FAM174B: variants seen among roughly 807,000 people sequenced by gnomAD.
FAM174B encodes membrane protein FAM174B.
FAM174B carries 12 observed loss-of-function variants against 10.9 expected under a neutral mutation model. The observed-to-expected ratio is 1.10, with a 90% CI of 0.71 to 1.79. FAM174B has a LOEUF of 1.79. FAM174B is among the 40% of genes most tolerant of loss of function. The pLI is 0.00. For missense variants in FAM174B, 266 were observed against 233.3 expected, an observed-to-expected ratio of 1.14 and a Z score of -0.91; for synonymous variants, 132 against 115.8, an observed-to-expected ratio of 1.14 and a Z score of -0.90.
At chr15:92,626,350 G>A (rs2050752891) in intron 2 of FAM174B, among the ~76,000 whole-genome samples, 4 of 151,962 alleles carry the variant, frequency 2.6e-5, no homozygotes, top group Admixed American at 6.6e-5. Context: ...CGCCCGCCTC[G>A]GCCTCCCAAA....
chr15:92,643,684 A>G (rs1596301871), intron 1 of FAM174B, among the ~76,000 whole-genome samples: 1 of 152,274 alleles, frequency 6.6e-6, no homozygotes, highest in East Asian at 1.9e-4. Context: ...GGCTGACTCC[A>G]TGTGGCTTTG....
chr15:92,622,017 G>A (rs906888355), intron 2 of FAM174B, among the ~76,000 whole-genome samples: 11 of 152,204 alleles, frequency 7.2e-5, no homozygotes, highest in Non-Finnish European at 1.2e-4. Context: ...GGACCTGATC[G>A]CCATAGCTGC....
At chr15:92,627,571 G>C (rs2050761328) in intron 2 of FAM174B, among the ~76,000 whole-genome samples, 1 of 152,204 alleles carries the variant, frequency 6.6e-6, no homozygotes, top group African/African-American at 2.4e-5. Flanking sequence ...TTTCTGAGCA[G>C]ATTGATTGTC....
intron 1 of FAM174B, chr15:92,634,438 A>C (rs1596298591): frequency 6.6e-6 from 1 of 152,180 alleles, no homozygotes; most frequent in Non-Finnish European, 1.5e-5. Flanking sequence ...AATCCCTGAC[A>C]CCTATAAAAT....
intron 2 of FAM174B, among the ~76,000 whole-genome samples, chr15:92,626,675 G>T (rs2050755153): frequency 6.6e-6 from 1 of 152,082 alleles, no homozygotes; most frequent in Non-Finnish European, 1.5e-5. Flanking sequence ...GGATTTGCAG[G>T]GTCCTGAGTT....
At chr15:92,621,081 A>G (rs1443517822) in intron 2 of FAM174B, among the ~76,000 whole-genome samples, 1 of 152,232 alleles carries the variant, frequency 6.6e-6, no homozygotes, top group Non-Finnish European at 1.5e-5. Context: ...TCCTATTTTT[A>G]GGAAATAGAT....
At chr15:92,652,994 C>T (rs2050977329) in intron 1 of FAM174B, 1 of 152,340 alleles carries the variant, frequency 6.6e-6, no homozygotes, top group Non-Finnish European at 1.5e-5. Context: ...ATGACTTATT[C>T]CACTTCCTGG....
At chr15:92,625,827 G>A (rs906359362) in intron 2 of FAM174B, among the ~76,000 whole-genome samples, 16 of 152,150 alleles carry the variant, frequency 1.1e-4, no homozygotes, top group African/African-American at 1.4e-4. Flanking sequence ...TAGTCTTTCC[G>A]AACAGTCAGT....
At chr15:92,634,064 G>A (rs2050837019) in intron 1 of FAM174B, among the ~76,000 whole-genome samples, 1 of 152,216 alleles carries the variant, frequency 6.6e-6, no homozygotes, top group African/African-American at 2.4e-5. Flanking sequence ...GGCTGTCTGG[G>A]AGGAGAGCTT....
At chr15:92,655,007 C>T (rs564545380) in intron 1 of FAM174B, 3 of 237,464 alleles carry the variant, frequency 1.3e-5, no homozygotes, top group African/African-American at 4.5e-5. Context: ...TTATGGGAAA[C>T]GCTGTCAGAA....
intron 1 of FAM174B, among the ~76,000 whole-genome samples, chr15:92,635,390 T>C (rs936756399): frequency 1.3e-5 from 2 of 152,070 alleles, no homozygotes; most frequent in Non-Finnish European, 2.9e-5. Context: ...GGTGTGTTAA[T>C]AGGGATAAAA....
At chr15:92,634,069 G>A (rs1040509839) in intron 1 of FAM174B, among the ~76,000 whole-genome samples, 6 of 152,226 alleles carry the variant, frequency 3.9e-5, no homozygotes, top group African/African-American at 1.4e-4. Context: ...TCTGGGAGGA[G>A]AGCTTGGCTT....
chr15:92,654,246 A>G (rs866531904), intron 1 of FAM174B, among the ~76,000 whole-genome samples: 2 of 152,182 alleles, frequency 1.3e-5, no homozygotes, highest in Non-Finnish European at 2.9e-5. Context: ...TGTTGCACTG[A>G]AAATGCTACC....
chr15:92,651,358 C>T (rs1486247850), intron 1 of FAM174B, among the ~76,000 whole-genome samples: 1 of 152,180 alleles, frequency 6.6e-6, no homozygotes, highest in African/African-American at 2.4e-5. Context: ...GCTGAGTATA[C>T]ACACAGGGAT....
At position 92,617,586 on chromosome 15, in the gene FAM174B, G is replaced by T. The variant is rs776486239; in HGVS notation, c.*1870C>A. 9 of 613,326 alleles carry T rather than the reference G, an allele frequency of 1.5e-5. No homozygotes were observed. Among genetic ancestry groups the T allele is most frequent in the Middle Eastern group, 5.2e-4 (2 of 3,882 alleles). 38.0% of individuals were successfully genotyped at this position (613,326 alleles called of 1,614,324 possible). A position where few individuals can be genotyped will look rare whatever the true frequency, so the allele number is the denominator to read the frequency against. ...GCAGATGGAGCCCGGGTGTTTCTGC[G>T]TAAGGCAGAGGAATCCAGCTTTTCC... On this transcript the variant is annotated 3_prime_UTR_variant, in exon 3 of 3. Transcript: ENST00000327355.
chr15:92,650,409 T>G (rs913690831), intron 1 of FAM174B, among the ~76,000 whole-genome samples: 1 of 152,172 alleles, frequency 6.6e-6, no homozygotes, highest in Non-Finnish European at 1.5e-5. Flanking sequence ...TCCTTTCAGA[T>G]AAGAGGATTT....
chr15:92,619,571 A>G lies in FAM174B; in HGVS notation c.477-112T>C, dbSNP rs2050705295. 7 of 1,254,718 alleles carry G rather than the reference A, an allele frequency of 5.6e-6. No homozygotes were observed. The East Asian group carries it at 1.7e-4, about 30-fold the overall frequency. 77.7% of individuals were successfully genotyped at this position (1,254,718 alleles called of 1,614,324 possible). On this transcript the variant is annotated intron_variant, in intron 2 of 2. Transcript: ENST00000327355. ...CCCTCTCAGCCAGTGAAAAGGCCAC[A>G]GTCCCCAGCCACAGGACCTTTGAGC...
Position 92,649,436 on chromosome 15 carries a change from G to A in FAM174B, c.344+5880C>T, listed in dbSNP as rs534896298. 3.9e-5 allele frequency among the ~76,000 whole-genome samples: 6 copies of A among 152,322 alleles called. No individual in the cohort carries two copies. The East Asian group carries it at 1.2e-3, about 29-fold the overall frequency. On this transcript the variant is annotated intron_variant, in intron 1 of 2. Coordinates refer to ENST00000327355, the MANE Select transcript of FAM174B (RefSeq NM_207446.3). ...GCCTGATAATTGTGGCCATATGGCT[G>A]CATCCTCATTTATGGACAGAAGCAA...
rs191733880 is a variant in FAM174B, at chr15:92,629,833, T to G, written c.476+381A>C. Among the ~76,000 whole-genome samples the G allele has an allele frequency of 2.0e-5, 3 of 152,266 alleles. No individual in the cohort carries two copies. In the East Asian group the frequency reaches 5.8e-4, roughly 29 times the overall value. ...GGGCCTTCCCGTGCTGCTCTCGTCC[T>G]GACAGTGAATAAGTCTCACAAGACC... On this transcript the variant is annotated intron_variant, in intron 2 of 2. Transcript: ENST00000327355.
Sources: allele counts gnomAD v4.1 joint callset (sites outside exome capture counted in the v4.1 genomes callset), GRCh38; gene constraint gnomAD v4.1.1; transcripts MANE v1.5; gene names NCBI Gene and HGNC (gene_info 2026-07-23, HGNC 2026-07-21).